Variants in CADPS observed in about 807,000 individuals in gnomAD.
CADPS encodes the protein calcium dependent secretion activator.
A neutral mutation model predicts 167.3 loss-of-function variants in CADPS; 57 were observed. That is an observed-to-expected ratio of 0.34 (90% CI 0.28 to 0.42). The LOEUF is 0.42. Ranked by LOEUF, CADPS falls within the 20% of genes least tolerant of loss-of-function variation. The pLI, the probability that CADPS is intolerant of heterozygous loss-of-function variation, is 1.00. For missense variants in CADPS, 1,414 were observed against 1,738.1 expected (o/e 0.81, Z 3.32); for synonymous variants, 676 against 635.3 (o/e 1.06, Z -0.96).
chr3:62,580,205 G>A (rs2083136280), intron 8 of CADPS, among the ~76,000 whole-genome samples: 1 of 152,158 alleles, frequency 6.6e-6, no homozygotes, highest in Non-Finnish European at 1.5e-5. Flanking sequence ...AACAATGATA[G>A]ACTGGATTAA....
At chr3:62,839,461 G>A (rs960080829) in intron 1 of CADPS, among the ~76,000 whole-genome samples, 1 of 152,148 alleles carries the variant, frequency 6.6e-6, no homozygotes, top group African/African-American at 2.4e-5. Flanking sequence ...AAGGTCAAGA[G>A]ACGTGAAACA....
At chr3:62,531,317 C>T (rs1003009339) in intron 13 of CADPS, among the ~76,000 whole-genome samples, 1 of 152,056 alleles carries the variant, frequency 6.6e-6, no homozygotes, top group African/African-American at 2.4e-5. Context: ...CAGAATTATG[C>T]ACAGATACCC....
intron 6 of CADPS, among the ~76,000 whole-genome samples, chr3:62,603,674 G>C (rs1453026926): frequency 6.6e-6 from 1 of 152,020 alleles, no homozygotes; most frequent in Non-Finnish European, 1.5e-5. Flanking sequence ...TTCTTTCTTA[G>C]AGCTTCCATC....
chr3:62,587,599 C>T (rs1003264041), intron 7 of CADPS, among the ~76,000 whole-genome samples: 1 of 152,222 alleles, frequency 6.6e-6, no homozygotes, highest in African/African-American at 2.4e-5. Context: ...TCTGTCTGCT[C>T]CTGCCTGTTT....
In CADPS at chr3:62,698,954, G is replaced by A. The variant is rs58243862; in HGVS notation, c.889-36560C>T. The stretch of plus-strand genomic sequence containing the variant: ...TAATAATTTTGTTTTTTGTCACTAC[G>A]GCTCAAGCACTTTATTTTTACTTCA... On this transcript the variant is annotated intron_variant, in intron 3 of 29. Transcript: ENST00000383710. Among the ~76,000 whole-genome samples, 947 of 151,098 alleles carry A rather than the reference G, an allele frequency of 6.3e-3. 16 individuals carry two copies. The highest frequency in any genetic ancestry group is 0.022 in the African/African-American group (917 of 41,104).
chr3:62,558,139 G>T (rs1373827863), intron 9 of CADPS, among the ~76,000 whole-genome samples: 2 of 152,212 alleles, frequency 1.3e-5, no homozygotes, highest in African/African-American at 2.4e-5. Flanking sequence ...TCTTATCTCA[G>T]ACAAGTGCAG....
At chr3:62,871,770 G>T (rs1371397694) in intron 1 of CADPS, among the ~76,000 whole-genome samples, 2 of 152,090 alleles carry the variant, frequency 1.3e-5, no homozygotes, top group African/African-American at 2.4e-5. Flanking sequence ...TAATAATAAT[G>T]TATCAATATT....
chr3:62,706,276 C>T (rs1228256511), intron 3 of CADPS, among the ~76,000 whole-genome samples: 1 of 152,130 alleles, frequency 6.6e-6, no homozygotes, highest in East Asian at 1.9e-4. Context: ...TCAGTCACTA[C>T]ACCTTATTAA....
At position 62,751,082 on chromosome 3, in the gene CADPS, T is replaced by C. The variant is rs144536961; in HGVS notation, c.888+2359A>G. ...AGGTTTTCTGCTGCAAACTAACAGA[T>C]TGCAGAAAGGCTACACTAAGAATTT... On this transcript the variant is annotated intron_variant, in intron 3 of 29. Coordinates refer to ENST00000383710, the MANE Select transcript of CADPS (RefSeq NM_003716.4). Among the ~76,000 whole-genome samples, 11 of 152,278 alleles carry C rather than the reference T, an allele frequency of 7.2e-5. No homozygotes were observed. In the South Asian group the frequency reaches 1.7e-3, roughly 23 times the overall value.
intron 4 of CADPS, among the ~76,000 whole-genome samples, chr3:62,655,993 C>A (rs1483107128): frequency 1.3e-5 from 2 of 152,136 alleles, no homozygotes; most frequent in Non-Finnish European, 2.9e-5. Context: ...GACAGTGAAA[C>A]GGACTCGACC....
At chr3:62,490,388 C>T (rs2063508629) in intron 21 of CADPS, among the ~76,000 whole-genome samples, 2 of 152,112 alleles carry the variant, frequency 1.3e-5, no homozygotes, top group Admixed American at 1.3e-4. Context: ...ACCATCAAAC[C>T]ATAACCATCA....
At chr3:62,634,058 G>A (rs941858510) in intron 6 of CADPS, among the ~76,000 whole-genome samples, 6 of 152,132 alleles carry the variant, frequency 3.9e-5, no homozygotes, top group East Asian at 3.9e-4. Context: ...ATGGCCAATC[G>A]TTGACAGCGA....
In CADPS at chr3:62,853,058, C is replaced by G. The variant is rs1175708291; in HGVS notation, c.441+21531G>C. Among the ~76,000 whole-genome samples, 5 of 152,152 alleles carry G rather than the reference C, an allele frequency of 3.3e-5. No homozygotes were observed. The South Asian group carries it at 6.2e-4, about 19-fold the overall frequency. On this transcript the variant is annotated intron_variant, in intron 1 of 29. Transcript: ENST00000383710. ...CCTAGAAAGCCCATCTAAGCAGTGG[C>G]TCAAATGCTTTATCTTGCACTTGAC...
intron 18 of CADPS, among the ~76,000 whole-genome samples, chr3:62,498,895 A>G (rs1301459685): frequency 6.6e-6 from 1 of 152,212 alleles, no homozygotes; most frequent in African/African-American, 2.4e-5. Flanking sequence ...TGCTTGAATG[A>G]TTAACTTTAA....
At chr3:62,417,793 A>T (rs2050443059) in intron 28 of CADPS, among the ~76,000 whole-genome samples, 1 of 151,976 alleles carries the variant, frequency 6.6e-6, no homozygotes, top group South Asian at 2.1e-4. Flanking sequence ...TGATTGCACC[A>T]CTGCACTCCA....
intron 6 of CADPS, among the ~76,000 whole-genome samples, chr3:62,635,682 GC>G (rs1415533914): frequency 1.4e-5 from 2 of 144,758 alleles, no homozygotes; most frequent in African/African-American, 5.2e-5. Context: ...CAGATATTTT[GC>G]AGCCATCTTC....
intron 16 of CADPS, chr3:62,513,805 A>G (rs1183908445): frequency 1.7e-5 from 12 of 726,540 alleles, no homozygotes; most frequent in Middle Eastern, 2.5e-4. Context: ...TCAAAGGAAA[A>G]TAGCCACAGA....
intron 9 of CADPS, among the ~76,000 whole-genome samples, chr3:62,565,496 T>C (rs2079987280): frequency 6.6e-6 from 1 of 152,152 alleles, no homozygotes; most frequent in Non-Finnish European, 1.5e-5. Flanking sequence ...GTGCCTTTTA[T>C]AAGTACGGAA....
Position 62,536,536 on chromosome 3 carries a change from G to A in CADPS, c.2012C>T (p.Ser671Phe), listed in dbSNP as rs767746311. 2 of 1,613,350 alleles carry A rather than the reference G, an allele frequency of 1.2e-6. No individual in the cohort carries two copies. The highest frequency in any genetic ancestry group is 1.7e-6 in the Non-Finnish European group (2 of 1,179,400). The change falls in exon 12 of 30, where the codon TCC becomes TTC. Residue 671 changes from serine (S) to phenylalanine (F), a missense_variant. By Grantham distance (155) the Ser-to-Phe change is radical. This residue lies in a region of CADPS where 529 missense variants were observed against 629.6 expected (regional missense o/e 0.84). Transcript: ENST00000383710. Reference sequence around the variant, plus strand: ...AGCGTGGTCAAAGTTACAGGGGTTGGAAGAGATAAATTCATCCATGCCATG... The same window carrying A: ...AGCGTGGTCAAAGTTACAGGGGTTGAAAGAGATAAATTCATCCATGCCATG... ...QKHGMDEFIS[S>F]NPCNFDHASL...
Sources: allele counts gnomAD v4.1 joint callset (sites outside exome capture counted in the v4.1 genomes callset), GRCh38; gene constraint gnomAD v4.1.1; regional missense constraint gnomAD v4.1.1; transcripts MANE v1.5; gene names NCBI Gene and HGNC (gene_info 2026-07-23, HGNC 2026-07-21).